MOB3B: variants seen among roughly 807,000 people sequenced by gnomAD.
The protein encoded by MOB3B is MOB kinase activator-like 2B.
A neutral mutation model predicts 18.7 loss-of-function variants in MOB3B; 7 were observed. The ratio of observed to expected loss-of-function variants is 0.37; its 90% CI spans 0.21 to 0.70. MOB3B has a LOEUF of 0.70. MOB3B is among the 30% of genes least tolerant of loss of function. The pLI is 0.52. For synonymous variants in MOB3B, 111 were observed against 99.9 expected (o/e 1.11, Z -0.66); for missense variants, 253 against 281.3 (o/e 0.90, Z 0.72).
chr9:27,354,266 G>A (rs577075339), intron 3 of MOB3B, among the ~76,000 whole-genome samples: 13 of 152,310 alleles, frequency 8.5e-5, no homozygotes, highest in South Asian at 2.1e-4. Context: ...GTGACCAACC[G>A]TCCTAGTTTG....
chr9:27,503,836 C>T (rs1433452913), intron 1 of MOB3B, among the ~76,000 whole-genome samples: 1 of 152,206 alleles, frequency 6.6e-6, no homozygotes, highest in Non-Finnish European at 1.5e-5. Flanking sequence ...TGGGATTGGG[C>T]AACCCACAGC....
intron 1 of MOB3B, among the ~76,000 whole-genome samples, chr9:27,497,511 A>G (rs1221248781): frequency 6.6e-6 from 1 of 152,062 alleles, no homozygotes; most frequent in Non-Finnish European, 1.5e-5. Flanking sequence ...CCTAAAAAAT[A>G]TATATACATA....
chr9:27,446,288 C>T (rs1176502213), intron 2 of MOB3B, among the ~76,000 whole-genome samples: 1 of 152,058 alleles, frequency 6.6e-6, no homozygotes, highest in African/African-American at 2.4e-5. Flanking sequence ...TACACTTGCA[C>T]TACAGTAGTA....
intron 2 of MOB3B, among the ~76,000 whole-genome samples, chr9:27,385,179 C>A (rs758248219): frequency 6.6e-6 from 1 of 152,144 alleles, no homozygotes; most frequent in African/African-American, 2.4e-5. Context: ...TGTTTTCTTG[C>A]GGAATTTCCT....
intron 3 of MOB3B, among the ~76,000 whole-genome samples, chr9:27,342,755 C>T (rs547117821): frequency 1.8e-4 from 28 of 151,812 alleles, no homozygotes; most frequent in African/African-American, 6.0e-4. Flanking sequence ...GATGGAGTCT[C>T]GCTCACTCAG....
intron 2 of MOB3B, among the ~76,000 whole-genome samples, chr9:27,404,008 G>A (rs1821927266): frequency 1.3e-5 from 2 of 151,928 alleles, no homozygotes; most frequent in Admixed American, 1.3e-4. Flanking sequence ...TCGCTCTATT[G>A]TGCTAACACT....
intron 2 of MOB3B, among the ~76,000 whole-genome samples, chr9:27,434,022 T>A (rs535816761): frequency 2.6e-5 from 4 of 152,260 alleles, no homozygotes; most frequent in Non-Finnish European, 5.9e-5. Context: ...AACTAAAAAA[T>A]CCAGACTCAG....
At chr9:27,352,965 A>C (rs1260333185) in intron 3 of MOB3B, among the ~76,000 whole-genome samples, 2 of 152,198 alleles carry the variant, frequency 1.3e-5, no homozygotes, top group Non-Finnish European at 2.9e-5. Context: ...TGACCACAGA[A>C]GGAAGTCTGT....
intron 2 of MOB3B, among the ~76,000 whole-genome samples, chr9:27,382,880 T>A (rs1413401643): frequency 6.6e-6 from 1 of 152,106 alleles, no homozygotes; most frequent in East Asian, 1.9e-4. Flanking sequence ...AATAATCTCA[T>A]GAACTTCCAG....
chr9:27,415,414 T>C (rs1276531200), intron 2 of MOB3B, among the ~76,000 whole-genome samples: 1 of 132,924 alleles, frequency 7.5e-6, no homozygotes, highest in Non-Finnish European at 1.6e-5. Context: ...ATGGGAACTA[T>C]GTACTTTTTT....
At chr9:27,467,707 G>A (rs563840411) in intron 1 of MOB3B, among the ~76,000 whole-genome samples, 1 of 152,366 alleles carries the variant, frequency 6.6e-6, no homozygotes, top group South Asian at 2.1e-4. Flanking sequence ...GGCTCAGCCT[G>A]ACCTTTTTTC....
chr9:27,480,568 A>C lies in MOB3B; in HGVS notation c.-198-24820T>G, dbSNP rs113090315. Among the ~76,000 whole-genome samples the C allele has an allele frequency of 2.0e-5, 3 of 152,168 alleles. No homozygotes were observed. In the East Asian group the frequency reaches 5.8e-4, roughly 29 times the overall value. The stretch of plus-strand genomic sequence containing the variant: ...GACTGCCTCAGCCTCCCAAAGTGCT[A>C]GGATTACAGATGTGAGCCACCGTGC... On this transcript the variant is annotated intron_variant, in intron 1 of 3. Transcript: ENST00000262244.
chr9:27,443,888 T>C (rs1345829267), intron 2 of MOB3B, among the ~76,000 whole-genome samples: 1 of 152,160 alleles, frequency 6.6e-6, no homozygotes, highest in Non-Finnish European at 1.5e-5. Context: ...TGTCAATAAT[T>C]ATCCTTTCAG....
intron 2 of MOB3B, among the ~76,000 whole-genome samples, chr9:27,388,445 G>C (rs896393500): frequency 6.6e-6 from 1 of 152,088 alleles, no homozygotes; most frequent in African/African-American, 2.4e-5. Context: ...ATATATACTA[G>C]GCTCAGAGTA....
chr9:27,468,432 T>A (rs1819418356), intron 1 of MOB3B, among the ~76,000 whole-genome samples: 1 of 152,216 alleles, frequency 6.6e-6, no homozygotes, highest in South Asian at 2.1e-4. Context: ...CAGCCTCGAT[T>A]TCCTCAAACT....
At chr9:27,516,527 C>T (rs1820237151) in intron 1 of MOB3B, among the ~76,000 whole-genome samples, 1 of 152,162 alleles carries the variant, frequency 6.6e-6, no homozygotes, top group African/African-American at 2.4e-5. Context: ...GCAAATAGAG[C>T]TTAACTGAGA....
At chr9:27,345,969 T>C (rs1166576896) in intron 3 of MOB3B, among the ~76,000 whole-genome samples, 1 of 152,224 alleles carries the variant, frequency 6.6e-6, no homozygotes, top group Non-Finnish European at 1.5e-5. Context: ...AATACCATGC[T>C]ATAATTTGAA....
Position 27,455,235 on chromosome 9 carries a change from A to G in MOB3B, c.316T>C (p.Tyr106His), listed in dbSNP as rs1414945874. The G allele has an allele frequency of 6.2e-7, 1 of 1,613,998 alleles. No homozygotes were observed. Among genetic ancestry groups the G allele is most frequent in the East Asian group, 2.2e-5 (1 of 44,890 alleles). The change falls in exon 2 of 4, where the codon TAT becomes CAT. Residue 106 changes from tyrosine (Y) to histidine (H), a missense_variant. Physicochemically the swap from Tyr to His is moderately conservative, Grantham distance 83. Coordinates refer to ENST00000262244, the MANE Select transcript of MOB3B (RefSeq NM_024761.5). ...GCTGGCAGCGCTGTTGGCTTCTTAT[A>G]CTTGAGATCATCCTGCCACCGATAC... ...YEYRWQDDLK[Y>H]KKPTALPAPQ...
intron 3 of MOB3B, among the ~76,000 whole-genome samples, chr9:27,350,913 T>C (rs1013771490): frequency 1.1e-4 from 17 of 151,732 alleles, no homozygotes; most frequent in African/African-American, 3.9e-4. Context: ...TTTTTTTTTT[T>C]TTTTTTAAGA....
Sources: gnomAD v4.1 joint callset for allele counts (sites outside exome capture counted in the v4.1 genomes callset) on GRCh38, gnomAD v4.1.1 for gene constraint, MANE v1.5 for transcripts, NCBI Gene and HGNC (gene_info 2026-07-23, HGNC 2026-07-21) for gene names.